Variants in SLC35D2 observed in about 807,000 individuals in gnomAD.
The protein encoded by SLC35D2 is solute carrier family 35 member D2.
Under a neutral mutation model 41.8 loss-of-function variants are expected in SLC35D2, and 43 were observed. The observed-to-expected ratio is 1.03, with a 90% CI of 0.81 to 1.33. The LOEUF (loss-of-function observed/expected upper bound fraction) is 1.33. Ranked by LOEUF, SLC35D2 falls within the 40% of genes most tolerant of loss-of-function variation. SLC35D2 has a pLI of 0.00. For missense variants in SLC35D2, 380 were observed against 408.4 expected (o/e 0.93, Z 0.60); for synonymous variants, 150 against 163.9 (o/e 0.92, Z 0.65).
chr9:96,316,291 A>G (rs1486534337), downstream of SLC35D2, among the ~76,000 whole-genome samples: 2 of 152,280 alleles, frequency 1.3e-5, no homozygotes, highest in East Asian at 3.9e-4. Context: ...ATTTGAGGTC[A>G]GGAGTTCAAG....
At chr9:96,367,679 G>A (rs1028803275) in intron 2 of SLC35D2, among the ~76,000 whole-genome samples, 1 of 152,100 alleles carries the variant, frequency 6.6e-6, no homozygotes, top group Non-Finnish European at 1.5e-5. Flanking sequence ...CTACTTGGGA[G>A]GCTGAGCTGG....
intron 8 of SLC35D2, 79 bp downstream of exon 8, chr9:96,343,825 T>C: frequency 1.1e-6 from 1 of 877,884 alleles, no homozygotes; most frequent in South Asian, 2.0e-5. Flanking sequence ...ACACTTTTTG[T>C]TTCAGTGCAT....
intron 1 of SLC35D2, among the ~76,000 whole-genome samples, chr9:96,375,026 C>G (rs1285630473): frequency 7.1e-6 from 1 of 140,528 alleles, no homozygotes; most frequent in African/African-American, 2.7e-5. Flanking sequence ...GAATCTCACT[C>G]TGTTGCCCAG....
chr9:96,334,266 CCAG>C (rs1166662497), intron 9 of SLC35D2, among the ~76,000 whole-genome samples: 1 of 152,156 alleles, frequency 6.6e-6, no homozygotes, highest in Non-Finnish European at 1.5e-5. Context: ...CCCCTGGCTA[CCAG>C]CAGAAGCAAA....
chr9:96,330,435 G>C (rs921561508), intron 9 of SLC35D2, among the ~76,000 whole-genome samples: 1 of 152,134 alleles, frequency 6.6e-6, no homozygotes, highest in Non-Finnish European at 1.5e-5. Flanking sequence ...GCACCCACAG[G>C]CATCGCCTTA....
chr9:96,356,915 C>T (rs916271951), intron 4 of SLC35D2, among the ~76,000 whole-genome samples: 17 of 151,868 alleles, frequency 1.1e-4, no homozygotes, highest in African/African-American at 4.1e-4. Flanking sequence ...GGCGTGGTGG[C>T]TCATGCCTGT....
rs1044005563 is a variant in SLC35D2, at chr9:96,332,993, G to C, written c.752+3724C>G. 3.3e-5 allele frequency among the ~76,000 whole-genome samples: 5 copies of C among 149,834 alleles called. No homozygotes were observed. In the South Asian group the frequency reaches 1.1e-3, roughly 32 times the overall value. On this transcript the variant is annotated intron_variant, in intron 9 of 11. Coordinates refer to ENST00000253270, the MANE Select transcript of SLC35D2 (RefSeq NM_007001.3). Reference sequence around the variant, plus strand: ...GGCTCACTGCAACCTCCAACTCTGTGGTTCAAGTGATTCTCCTGCCTCAGC... The same window carrying C: ...GGCTCACTGCAACCTCCAACTCTGTCGTTCAAGTGATTCTCCTGCCTCAGC...
chr9:96,330,904 T>C (rs988506284), intron 9 of SLC35D2, among the ~76,000 whole-genome samples: 1 of 146,842 alleles, frequency 6.8e-6, no homozygotes, highest in Non-Finnish European at 1.5e-5. Flanking sequence ...TTCACCCTGA[T>C]TTTATTTATT....
At chr9:96,317,333 T>C (rs1394658534), downstream of SLC35D2, among the ~76,000 whole-genome samples, 1 of 152,190 alleles carries the variant, frequency 6.6e-6, no homozygotes, top group East Asian at 1.9e-4. Context: ...TCACTGGACC[T>C]ACATTTTTTC....
chr9:96,353,043 G>A (rs1290622348), intron 4 of SLC35D2, among the ~76,000 whole-genome samples: 1 of 151,780 alleles, frequency 6.6e-6, no homozygotes, highest in African/African-American at 2.4e-5. Flanking sequence ...TCTGACCTTG[G>A]ACCTAATTAC....
At chr9:96,370,493 C>G (rs1830632145) in intron 1 of SLC35D2, among the ~76,000 whole-genome samples, 1 of 151,932 alleles carries the variant, frequency 6.6e-6, no homozygotes, top group Admixed American at 6.6e-5. Context: ...TCCGTCTCTG[C>G]TAAAAATACA....
intron 1 of SLC35D2, among the ~76,000 whole-genome samples, chr9:96,372,903 T>G (rs924590452): frequency 6.7e-6 from 1 of 150,034 alleles, no homozygotes; most frequent in African/African-American, 2.4e-5. Flanking sequence ...TCTTTTGTTT[T>G]TTTGTTTTTT....
chr9:96,346,796 C>A (rs1308320532), intron 6 of SLC35D2, among the ~76,000 whole-genome samples: 1 of 150,164 alleles, frequency 6.7e-6, no homozygotes, highest in Non-Finnish European at 1.5e-5. Flanking sequence ...TAATTTTAGT[C>A]ATCATAAGTC....
chr9:96,344,564 G>A (rs923735135), intron 7 of SLC35D2, among the ~76,000 whole-genome samples: 154 of 24,324 alleles, frequency 6.3e-3, no homozygotes, highest in Admixed American at 7.7e-3. Context: ...AAACAGAGCA[G>A]ATAAAAAAAA....
intron 9 of SLC35D2, among the ~76,000 whole-genome samples, chr9:96,330,324 C>G (rs982872558): frequency 6.6e-6 from 1 of 152,242 alleles, no homozygotes; most frequent in Non-Finnish European, 1.5e-5. Flanking sequence ...TACACACACA[C>G]AGACACCTAA....
chr9:96,322,861 G>A (rs938879938), intron 10 of SLC35D2, among the ~76,000 whole-genome samples: 1 of 151,698 alleles, frequency 6.6e-6, no homozygotes, highest in Non-Finnish European at 1.5e-5. Flanking sequence ...GGGACTACAG[G>A]GCACTCACCA....
intron 6 of SLC35D2, among the ~76,000 whole-genome samples, chr9:96,346,894 T>C (rs1009103281): frequency 6.6e-6 from 1 of 151,646 alleles, no homozygotes; most frequent in South Asian, 2.1e-4. Context: ...CCCAGCACTT[T>C]GGGAGGCCAA....
chr9:96,359,172 C>T (rs529343354), intron 4 of SLC35D2, among the ~76,000 whole-genome samples: 4 of 152,052 alleles, frequency 2.6e-5, no homozygotes, highest in African/African-American at 9.6e-5. Flanking sequence ...GGCATAGTGG[C>T]AGGCGCCTGT....
intron 6 of SLC35D2, among the ~76,000 whole-genome samples, chr9:96,350,113 C>T (rs1270177827): frequency 2.0e-5 from 3 of 152,018 alleles, no homozygotes; most frequent in South Asian, 4.1e-4. Context: ...ACAGATGACA[C>T]GTAAGTAATA....
Sources: allele counts gnomAD v4.1 joint callset (sites outside exome capture counted in the v4.1 genomes callset), GRCh38; gene constraint gnomAD v4.1.1; transcripts MANE v1.5; gene names NCBI Gene and HGNC (gene_info 2026-07-23, HGNC 2026-07-21).